Variants in ROBO2 observed in about 807,000 individuals in gnomAD.
ROBO2 encodes the protein roundabout guidance receptor 2.
ROBO2 carries 53 observed loss-of-function variants against 160.8 expected under a neutral mutation model. That is an observed-to-expected ratio of 0.33 (90% CI 0.26 to 0.41). The LOEUF (loss-of-function observed/expected upper bound fraction) is 0.41, where lower values mean the gene tolerates loss of function less well. Ranked by LOEUF, ROBO2 falls within the 10% of genes least tolerant of loss-of-function variation. The probability of loss-of-function intolerance (pLI) is 1.00; values close to 1 mark genes in which losing one functional copy is unlikely to be tolerated. For synonymous variants in ROBO2, 664 were observed against 611.7 expected (o/e 1.09, Z -1.26); for missense variants, 1,577 against 1,722.4 (o/e 0.92, Z 1.49).
At position 77,477,395 on chromosome 3, in the gene ROBO2, TG is replaced by T; in HGVS notation, c.389-18del. 2 of 1,610,518 alleles carry T rather than the reference TG, an allele frequency of 1.2e-6. No homozygotes were observed. The highest frequency in any genetic ancestry group is 1.7e-6 in the Non-Finnish European group (2 of 1,177,622). On this transcript the variant is annotated intron_variant, in intron 2 of 25. Coordinates refer to ENST00000461745, the Ensembl canonical transcript of ROBO2. Reference sequence around the variant, plus strand: ...TTACTGTCGTTGAGTTTTCTTTTCCTGTAATTATTTTTCCTCAGTGTTACGA... The same window carrying T: ...TTACTGTCGTTGAGTTTTCTTTTCCTTAATTATTTTTCCTCAGTGTTACGA...
chr3:77,522,195 C>A (rs559587987), intron 5 of ROBO2, among the ~76,000 whole-genome samples: 1 of 151,186 alleles, frequency 6.6e-6, no homozygotes, highest in South Asian at 2.1e-4. Context: ...CGTGAACGAG[C>A]TGAGGATGTG....
chr3:76,992,811 A>G (rs2060764535), intron 2 of ROBO2, among the ~76,000 whole-genome samples: 1 of 151,924 alleles, frequency 6.6e-6, no homozygotes, highest in Non-Finnish European at 1.5e-5. Flanking sequence ...TAAAAAGTCA[A>G]AGTTTTACTT....
At chr3:77,483,915 A>C (rs1449279145) in intron 4 of ROBO2, among the ~76,000 whole-genome samples, 2 of 151,738 alleles carry the variant, frequency 1.3e-5, no homozygotes, top group East Asian at 3.9e-4. Context: ...TTGCTAGGAA[A>C]AAGAATTTTC....
intron 2 of ROBO2, among the ~76,000 whole-genome samples, chr3:76,808,072 A>G (rs992453160): frequency 1.3e-5 from 2 of 152,130 alleles, no homozygotes; most frequent in African/African-American, 2.4e-5. Context: ...CTGAATTATA[A>G]TAAATATAAT....
intron 1 of ROBO2, among the ~76,000 whole-genome samples, chr3:77,064,166 T>TA (rs2066602989): frequency 1.3e-5 from 2 of 152,196 alleles, no homozygotes; most frequent in African/African-American, 4.8e-5. Flanking sequence ...ATTTTATTTT[T>TA]AAAATTACCT....
At chr3:77,476,439 C>G (rs1295382766) in intron 2 of ROBO2, among the ~76,000 whole-genome samples, 1 of 151,452 alleles carries the variant, frequency 6.6e-6, no homozygotes, top group South Asian at 2.1e-4. Flanking sequence ...ACTTTGGAAC[C>G]AAACATGTCG....
rs2065156285 is a variant in ROBO2 at position 75,977,215 on chromosome 3, G to A, written c.109+39613G>A. ...TTACTCTGTCTCACAATTGTCCCTG[G>A]CAACATAATAGACACTTGATAGGTT... On this transcript the variant is annotated intron_variant, in intron 2 of 26. Transcript: ENST00000487694. 2.0e-5 allele frequency among the ~76,000 whole-genome samples: 3 copies of A among 151,446 alleles called. No homozygotes were observed. The South Asian group carries it at 6.2e-4, about 31-fold the overall frequency.
intron 2 of ROBO2, among the ~76,000 whole-genome samples, chr3:76,988,503 T>A (rs767485080): frequency 3.5e-4 from 54 of 152,182 alleles, no homozygotes; most frequent in Non-Finnish European, 7.1e-4. Context: ...TTTCTCTATA[T>A]GTAGAAATGT....
exon 26 of ROBO2, chr3:77,649,261 G>A (rs1241836389): frequency 6.6e-6 from 1 of 152,102 alleles, no homozygotes. Flanking sequence ...CAGATTTAAT[G>A]GTGTTCTATG....
At position 77,127,080 on chromosome 3, in the gene ROBO2, C is replaced by T. The variant is rs77903344; in HGVS notation, c.388+28740C>T. The stretch of plus-strand genomic sequence containing the variant: ...CTGGGATTACAGGTGTGAGCCACCA[C>T]GCCAGGCCGAAACTTCTTTTTTTCT... On this transcript the variant is annotated intron_variant, in intron 2 of 25. Transcript: ENST00000461745. 0.02 allele frequency among the ~76,000 whole-genome samples: 3,083 copies of T among 152,056 alleles called. 158 individuals are homozygous for T. The East Asian group carries it at 0.21, about 10-fold the overall frequency.
chr3:76,429,726 A>T (rs929760766), intron 2 of ROBO2, among the ~76,000 whole-genome samples: 2 of 152,182 alleles, frequency 1.3e-5, no homozygotes. Flanking sequence ...AGAAACTGCA[A>T]CTTCAACATT....
chr3:77,193,740 C>A (rs1320000092), intron 2 of ROBO2, among the ~76,000 whole-genome samples: 2 of 151,992 alleles, frequency 1.3e-5, no homozygotes, highest in Non-Finnish European at 2.9e-5. Flanking sequence ...GGGAATTGCT[C>A]TTTGAACAAG....
intron 2 of ROBO2, among the ~76,000 whole-genome samples, chr3:76,379,043 A>G (rs2076492137): frequency 6.6e-6 from 1 of 152,132 alleles, no homozygotes; most frequent in Non-Finnish European, 1.5e-5. Flanking sequence ...CATTGCTTAG[A>G]CTGTGCTTAA....
intron 2 of ROBO2, among the ~76,000 whole-genome samples, chr3:76,735,411 G>C (rs557602230): frequency 6.6e-6 from 1 of 152,232 alleles, no homozygotes; most frequent in Admixed American, 6.5e-5. Context: ...ATCAAGACAG[G>C]AACAATGGTC....
chr3:77,453,400 A>G (rs777503646), intron 2 of ROBO2, among the ~76,000 whole-genome samples: 4 of 151,864 alleles, frequency 2.6e-5, no homozygotes, highest in Admixed American at 1.3e-4. Flanking sequence ...TTCAATCTCA[A>G]TGGCTAGTCA....
chr3:76,292,329 A>G (rs1427790488), intron 2 of ROBO2, among the ~76,000 whole-genome samples: 1 of 152,184 alleles, frequency 6.6e-6, no homozygotes, highest in Non-Finnish European at 1.5e-5. Flanking sequence ...ACCTCCAACC[A>G]CCTACTCAAA....
chr3:77,034,920 G>T (rs2063538428), upstream of ROBO2, among the ~76,000 whole-genome samples: 1 of 151,822 alleles, frequency 6.6e-6, no homozygotes, highest in Admixed American at 6.6e-5. Context: ...TTAGCAAAAA[G>T]TGTATTATTT....
At chr3:76,496,759 A>G (rs1199164759) in intron 2 of ROBO2, among the ~76,000 whole-genome samples, 1 of 152,152 alleles carries the variant, frequency 6.6e-6, no homozygotes, top group Admixed American at 6.6e-5. Context: ...ACCCCTACCC[A>G]AAATATCAGC....
chr3:76,588,385 C>G (rs1314677646), intron 2 of ROBO2, among the ~76,000 whole-genome samples: 1 of 152,074 alleles, frequency 6.6e-6, no homozygotes, highest in Non-Finnish European at 1.5e-5. Context: ...CAGTGTGATT[C>G]AGAATTTTAA....
Sources: gnomAD v4.1 joint callset for allele counts (sites outside exome capture counted in the v4.1 genomes callset) on GRCh38, gnomAD v4.1.1 for gene constraint, MANE v1.5 for transcripts, NCBI Gene and HGNC (gene_info 2026-07-23, HGNC 2026-07-21) for gene names.